The following TBC1D32 variants were observed in gnomAD, a reference collection of about 807,000 sequenced individuals.
TBC1D32 encodes the protein TBC1 domain family member 32, also known as protein broad-minded.
TBC1D32 carries 151 observed loss-of-function variants against 170.3 expected under a neutral mutation model. That is an observed-to-expected ratio of 0.89 (90% CI 0.78 to 1.01). The LOEUF is 1.01. TBC1D32 is among the 50% of genes least tolerant of loss of function. The pLI is 0.00. For synonymous variants in TBC1D32, 498 were observed against 488.0 expected (o/e 1.02, Z -0.27); for missense variants, 1,464 against 1,457.1 (o/e 1.00, Z -0.08).
intron 22 of TBC1D32, among the ~76,000 whole-genome samples, chr6:121,179,407 C>A (rs1472340560): frequency 6.7e-6 from 1 of 149,004 alleles, no homozygotes; most frequent in African/African-American, 2.5e-5. Flanking sequence ...CAGCAATAAC[C>A]AATGAAGCAT....
intron 30 of TBC1D32, among the ~76,000 whole-genome samples, chr6:121,103,146 C>G (rs1408577970): frequency 1.3e-5 from 2 of 152,042 alleles, no homozygotes; most frequent in African/African-American, 4.8e-5. Flanking sequence ...GGACTGTAAA[C>G]TAGTTCAACC....
At chr6:121,090,123 G>A (rs1380078634) in intron 31 of TBC1D32, among the ~76,000 whole-genome samples, 8 of 152,034 alleles carry the variant, frequency 5.3e-5, no homozygotes, top group Admixed American at 4.6e-4. Flanking sequence ...TGGTAGAGAC[G>A]GGGTTTCACC....
At chr6:121,135,111 A>C (rs1781903865) in intron 24 of TBC1D32, among the ~76,000 whole-genome samples, 1 of 152,130 alleles carries the variant, frequency 6.6e-6, no homozygotes, top group African/African-American at 2.4e-5. Flanking sequence ...ATGCAGAATG[A>C]GTAAGGAAGT....
chr6:121,089,323 G>A (rs1196598150), intron 31 of TBC1D32, among the ~76,000 whole-genome samples: 1 of 151,968 alleles, frequency 6.6e-6, no homozygotes, highest in African/African-American at 2.4e-5. Flanking sequence ...AATTTCGGAT[G>A]GTGATAAAAA....
intron 22 of TBC1D32, among the ~76,000 whole-genome samples, chr6:121,198,134 C>T (rs1266093916): frequency 6.8e-6 from 1 of 146,062 alleles, no homozygotes; most frequent in Non-Finnish European, 1.5e-5. Flanking sequence ...TAAGTTAATA[C>T]TTAATAAACT....
Position 121,131,371 on chromosome 6 carries a change from C to T in TBC1D32, c.2899+256G>A, listed in dbSNP as rs994601608. Among the ~76,000 whole-genome samples, 10 of 150,634 alleles carry T rather than the reference C, an allele frequency of 6.6e-5. No individual in the cohort carries two copies. In the South Asian group the frequency reaches 2.1e-3, roughly 32 times the overall value. ...AAAAACTGAATATGAAAAAAAAAACCAAGCAAATTGCTACCTAGTCTAGTT... is the reference window on the plus strand; with the variant it reads ...AAAAACTGAATATGAAAAAAAAAACTAAGCAAATTGCTACCTAGTCTAGTT... On this transcript the variant is annotated intron_variant, in intron 25 of 31. Coordinates refer to ENST00000398212, the MANE Select transcript of TBC1D32 (RefSeq NM_152730.6).
chr6:121,179,224 TA>T (rs1160254712), intron 22 of TBC1D32, among the ~76,000 whole-genome samples: 1 of 151,438 alleles, frequency 6.6e-6, no homozygotes, highest in Non-Finnish European at 1.5e-5. Context: ...AATATATAGA[TA>T]TTTACTTTAC....
At chr6:121,295,144 TG>T (rs1458480062) in intron 10 of TBC1D32, among the ~76,000 whole-genome samples, 1 of 151,860 alleles carries the variant, frequency 6.6e-6, no homozygotes, top group Non-Finnish European at 1.5e-5. Flanking sequence ...CAATAAAAAA[TG>T]ATCTCCAACC....
Position 121,297,465 on chromosome 6 carries a change from A to C in TBC1D32, c.1140+1981T>G, listed in dbSNP as rs894212402. On this transcript the variant is annotated intron_variant, in intron 10 of 31. Transcript: ENST00000398212. ...GAGAGCAGTAAAAATGGCACTACAT[A>C]AAACCATTTCAGAAACCATTCCTTT... Among the ~76,000 whole-genome samples, 4 of 152,126 alleles carry C rather than the reference A, an allele frequency of 2.6e-5. No individual in the cohort carries two copies. The East Asian group carries it at 5.8e-4, about 22-fold the overall frequency.
Position 121,272,242 on chromosome 6 carries a change from C to A in TBC1D32, c.1733+6879G>T, listed in dbSNP as rs192828659. ...ACACCAAAAGCAATGGCAACAAAAG[C>A]CAAAATTGACAAATGGGATCTAACT... On this transcript the variant is annotated intron_variant, in intron 15 of 31. Coordinates refer to ENST00000398212, the MANE Select transcript of TBC1D32 (RefSeq NM_152730.6). Among the ~76,000 whole-genome samples, 126 of 152,146 alleles carry A rather than the reference C, an allele frequency of 8.3e-4. No homozygotes were observed. In the Middle Eastern group the frequency reaches 0.01, roughly 12 times the overall value.
At chr6:121,218,461 G>C (rs1794099619) in intron 21 of TBC1D32, among the ~76,000 whole-genome samples, 1 of 152,108 alleles carries the variant, frequency 6.6e-6, no homozygotes, top group African/African-American at 2.4e-5. Context: ...GCAAAGTTTT[G>C]ATCCTGGGTG....
intron 1 of TBC1D32, 63 bp downstream of exon 1, chr6:121,334,213 C>T: frequency 7.3e-7 from 1 of 1,377,384 alleles, no homozygotes; most frequent in Non-Finnish European, 1.0e-6. Context: ...ACACTGTTGA[C>T]CCTTCTCTGG....
At chr6:121,212,212 G>C (rs763725338) in intron 21 of TBC1D32, among the ~76,000 whole-genome samples, 1 of 151,896 alleles carries the variant, frequency 6.6e-6, no homozygotes, top group African/African-American at 2.4e-5. Context: ...AACAAGCTCC[G>C]AAATTGAATC....
chr6:121,186,297 G>C (rs1217691622), intron 22 of TBC1D32, among the ~76,000 whole-genome samples: 1 of 151,940 alleles, frequency 6.6e-6, no homozygotes, highest in East Asian at 1.9e-4. Flanking sequence ...AATAAAGCCT[G>C]GTGCCCCAGG....
chr6:121,179,337 G>T (rs1321495495), intron 22 of TBC1D32, among the ~76,000 whole-genome samples: 3 of 149,766 alleles, frequency 2.0e-5, no homozygotes, highest in Non-Finnish European at 4.4e-5. Context: ...AATTACATAG[G>T]TGGCCTGTAA....
chr6:121,086,886 G>T (rs1716672880), intron 31 of TBC1D32, among the ~76,000 whole-genome samples: 2 of 152,292 alleles, frequency 1.3e-5, no homozygotes, highest in Non-Finnish European at 2.9e-5. Flanking sequence ...CTACAGATGA[G>T]TTGAAAGAAT....
chr6:121,290,908 A>G (rs997022410), intron 12 of TBC1D32, among the ~76,000 whole-genome samples: 5 of 152,128 alleles, frequency 3.3e-5, no homozygotes, highest in African/African-American at 7.2e-5. Context: ...GGACAAAAAA[A>G]CCAAACACCA....
At chr6:121,321,597 A>G (rs747883453) in intron 2 of TBC1D32, 36 bp downstream of exon 2, 51 of 1,588,854 alleles carry the variant, frequency 3.2e-5, no homozygotes, top group Non-Finnish European at 4.3e-5. Flanking sequence ...CTTGTTGAAG[A>G]AGGTTATTTG....
intron 24 of TBC1D32, among the ~76,000 whole-genome samples, chr6:121,148,621 T>TC (rs1166236484): frequency 5.9e-5 from 9 of 151,944 alleles, no homozygotes; most frequent in Non-Finnish European, 1.2e-4. Flanking sequence ...CGTCCCTATT[T>TC]CTTTTTTTTT....
Sources: gnomAD v4.1 joint callset for allele counts (sites outside exome capture counted in the v4.1 genomes callset) on GRCh38, gnomAD v4.1.1 for gene constraint, MANE v1.5 for transcripts, NCBI Gene and HGNC (gene_info 2026-07-23, HGNC 2026-07-21) for gene names.